ZDHHC14: variants seen among roughly 807,000 people sequenced by gnomAD.
ZDHHC14 encodes zDHHC palmitoyltransferase 14, also known as palmitoyltransferase ZDHHC14.
In ZDHHC14, 16 loss-of-function variants were observed where a neutral mutation model predicts 47.7. The observed-to-expected ratio is 0.34, with a 90% confidence interval of 0.23 to 0.51. ZDHHC14 has a LOEUF of 0.51. Among genes scored for constraint, ZDHHC14 ranks in the 20% least tolerant of loss-of-function variants. ZDHHC14 has a pLI of 0.97. For synonymous variants in ZDHHC14, 293 were observed against 278.9 expected (o/e 1.05, Z -0.50); for missense variants, 515 against 662.5 (o/e 0.78, Z 2.44).
chr6:157,500,594 G>A (rs1009921460), intron 1 of ZDHHC14, among the ~76,000 whole-genome samples: 1 of 152,118 alleles, frequency 6.6e-6, no homozygotes, highest in Non-Finnish European at 1.5e-5. Flanking sequence ...ACAGTGACAC[G>A]ATTTGCCAGT....
In ZDHHC14 at chr6:157,381,876, T is replaced by G. The variant is rs2114725160; in HGVS notation, c.-146T>G. 2 of 653,214 alleles carry G rather than the reference T, an allele frequency of 3.1e-6. No homozygotes were observed. The highest frequency in any genetic ancestry group is 2.0e-5 in the African/African-American group (1 of 49,530). 40.5% of individuals were successfully genotyped at this position (653,214 alleles called of 1,614,324 possible). A position where few individuals can be genotyped will look rare whatever the true frequency, so the allele number is the denominator to read the frequency against. ...GTTAACCTGGGTGTCCTCGGCAAAGTTGTCGCCGAGCCGGGAGCCCGTGTA... is the reference window on the plus strand; with the variant it reads ...GTTAACCTGGGTGTCCTCGGCAAAGGTGTCGCCGAGCCGGGAGCCCGTGTA... On this transcript the variant is annotated 5_prime_UTR_variant, in exon 1 of 9. Transcript: ENST00000359775.
At chr6:157,435,947 T>G (rs1778432681) in intron 1 of ZDHHC14, among the ~76,000 whole-genome samples, 1 of 151,286 alleles carries the variant, frequency 6.6e-6, no homozygotes. Context: ...AGGGCTGGGG[T>G]GGGTAGGGGC....
chr6:157,510,099 G>T (rs889673279), intron 1 of ZDHHC14, among the ~76,000 whole-genome samples: 1 of 151,990 alleles, frequency 6.6e-6, no homozygotes, highest in African/African-American at 2.4e-5. Context: ...ACAAACATTA[G>T]TGGGGCATGA....
chr6:157,390,721 A>C (rs1437894848), intron 1 of ZDHHC14, among the ~76,000 whole-genome samples: 1 of 152,162 alleles, frequency 6.6e-6, no homozygotes, highest in Non-Finnish European at 1.5e-5. Flanking sequence ...TACACTTAAA[A>C]AATAGTTTTT....
intron 1 of ZDHHC14, among the ~76,000 whole-genome samples, chr6:157,475,519 A>G (rs1459911628): frequency 1.3e-5 from 2 of 152,068 alleles, no homozygotes; most frequent in Non-Finnish European, 2.9e-5. Context: ...ACATTTATTC[A>G]TGTCTTCAAT....
chr6:157,454,129 T>C (rs1033799067), intron 1 of ZDHHC14, among the ~76,000 whole-genome samples: 13 of 152,224 alleles, frequency 8.5e-5, no homozygotes, highest in African/African-American at 3.1e-4. Flanking sequence ...TTGTTAGCTG[T>C]AGCTGGCCTA....
At chr6:157,661,463 C>T (rs555221598) in intron 8 of ZDHHC14, among the ~76,000 whole-genome samples, 1 of 152,294 alleles carries the variant, frequency 6.6e-6, no homozygotes, top group African/African-American at 2.4e-5. Context: ...CCAGCTGTGT[C>T]CCCACCAATT....
chr6:157,544,286 A>G (rs149591528), intron 2 of ZDHHC14, among the ~76,000 whole-genome samples: 63 of 152,348 alleles, frequency 4.1e-4, no homozygotes, highest in African/African-American at 1.3e-3. Flanking sequence ...AGTGATCCCC[A>G]TCTCCAGGTT....
At chr6:157,424,285 G>A (rs537207198) in intron 1 of ZDHHC14, among the ~76,000 whole-genome samples, 33 of 152,248 alleles carry the variant, frequency 2.2e-4, no homozygotes, top group African/African-American at 7.5e-4. Flanking sequence ...TGCCAGTGGT[G>A]GTGAGAAATT....
rs142605912 is a variant in ZDHHC14, at chr6:157,566,792, G to T, written c.406+24047G>T. ...TTCTTACCCACATTGTGTGTGTTTGGTTGCTTGAGGGGGCATCAACCCAAT... is the reference window on the plus strand; with the variant it reads ...TTCTTACCCACATTGTGTGTGTTTGTTTGCTTGAGGGGGCATCAACCCAAT... On this transcript the variant is annotated intron_variant, in intron 2 of 8. Coordinates refer to ENST00000359775, the MANE Select transcript of ZDHHC14 (RefSeq NM_024630.3). Among the ~76,000 whole-genome samples the T allele has an allele frequency of 5.5e-3, 840 of 152,052 alleles. 4 individuals carry two copies. Among genetic ancestry groups the T allele is most frequent in the Non-Finnish European group, 9.1e-3 (622 of 68,014 alleles).
chr6:157,628,619 A>C, intron 4 of ZDHHC14, 133 bp downstream of exon 4: 1 of 1,198,548 alleles, frequency 8.3e-7, no homozygotes, highest in Non-Finnish European at 1.2e-6. Context: ...TCCCCTCCTC[A>C]CTTCCAGCCT....
chr6:157,499,679 G>T (rs148299589), intron 1 of ZDHHC14, among the ~76,000 whole-genome samples: 2 of 152,186 alleles, frequency 1.3e-5, no homozygotes, highest in East Asian at 3.8e-4. Context: ...GCAACATGAC[G>T]ATGGTGTTCC....
chr6:157,622,994 C>T (rs1022937432), intron 3 of ZDHHC14, among the ~76,000 whole-genome samples: 12 of 152,116 alleles, frequency 7.9e-5, no homozygotes, highest in Non-Finnish European at 1.8e-4. Context: ...AGAGCAGGTC[C>T]ACAGGTCACT....
chr6:157,497,929 AT>A lies in ZDHHC14; in HGVS notation c.246-44655del, dbSNP rs200797860. Among the ~76,000 whole-genome samples, 404 of 152,322 alleles carry A rather than the reference AT, an allele frequency of 2.7e-3. 1 individual carries two copies. The highest frequency in any genetic ancestry group is 9.5e-3 in the African/African-American group (393 of 41,564). The stretch of plus-strand genomic sequence containing the variant: ...CTGTCTTCTCATAGCTTATAACCTA[AT>A]CAAAGAGACAATGCCAATATCTCAG... On this transcript the variant is annotated intron_variant, in intron 1 of 8. Coordinates refer to ENST00000359775, the MANE Select transcript of ZDHHC14 (RefSeq NM_024630.3).
chr6:157,672,993 G>GC lies in ZDHHC14; in HGVS notation c.1344dup (p.Arg449GlnfsTer28), dbSNP rs766778514. ...TCCTGACGCCCGATGAGGCGCCCTCGCCCCCCAGGCTACTGGCGGCGGGCA... is the reference window on the plus strand; with the variant it reads ...TCCTGACGCCCGATGAGGCGCCCTCGCCCCCCCAGGCTACTGGCGGCGGGCA... On this transcript the variant is annotated frameshift_variant, in exon 9 of 9. Coordinates refer to ENST00000359775, the MANE Select transcript of ZDHHC14 (RefSeq NM_024630.3). LOFTEE classifies it high-confidence loss of function. 3 of 1,586,954 alleles carry GC rather than the reference G, an allele frequency of 1.9e-6. No homozygotes were observed. Among genetic ancestry groups the GC allele is most frequent in the Non-Finnish European group, 1.7e-6 (2 of 1,171,140 alleles).
At chr6:157,435,047 G>C (rs1192004072) in intron 1 of ZDHHC14, among the ~76,000 whole-genome samples, 1 of 152,220 alleles carries the variant, frequency 6.6e-6, no homozygotes, top group Admixed American at 6.5e-5. Context: ...GCTGAACACA[G>C]ATCTCCATGG....
At chr6:157,570,780 TACACACACACACACATATATATAC>T (rs1562486319) in intron 2 of ZDHHC14, among the ~76,000 whole-genome samples, 24 of 150,154 alleles carry the variant, frequency 1.6e-4, no homozygotes, top group African/African-American at 3.4e-4. Flanking sequence ...CATATATATA[TACACACACACACACATATATATAC>T]ACACACACAC....
intron 5 of ZDHHC14, among the ~76,000 whole-genome samples, chr6:157,638,440 C>T (rs1367670179): frequency 1.3e-5 from 2 of 151,996 alleles, no homozygotes; most frequent in African/African-American, 2.4e-5. Flanking sequence ...TGCCCCGTAC[C>T]ATGGACAAGA....
At chr6:157,456,540 G>A (rs927758233) in intron 1 of ZDHHC14, among the ~76,000 whole-genome samples, 3 of 152,298 alleles carry the variant, frequency 2.0e-5, no homozygotes, top group African/African-American at 4.8e-5. Context: ...TTATTTATTC[G>A]AGAACACCCT....
Sources: allele counts gnomAD v4.1 joint callset (sites outside exome capture counted in the v4.1 genomes callset), GRCh38; gene constraint gnomAD v4.1.1; transcripts MANE v1.5; gene names NCBI Gene and HGNC (gene_info 2026-07-23, HGNC 2026-07-21).